DLGAP2: variants seen among roughly 807,000 people sequenced by gnomAD.
The protein encoded by DLGAP2 is disks large-associated protein 2.
A neutral mutation model predicts 100.3 loss-of-function variants in DLGAP2; 26 were observed. That is an observed-to-expected ratio of 0.26 (90% CI 0.19 to 0.36). DLGAP2 has a LOEUF of 0.36. Ranked by LOEUF, DLGAP2 falls within the 10% of genes least tolerant of loss-of-function variation. The probability of loss-of-function intolerance (pLI) is 1.00; values close to 1 mark genes in which losing one functional copy is unlikely to be tolerated. For missense variants in DLGAP2, 1,858 were observed against 1,453.2 expected (o/e 1.28, Z -4.53); for synonymous variants, 886 against 630.1 (o/e 1.41, Z -6.08).
chr8:1,606,973 C>T (rs554228314), intron 6 of DLGAP2, among the ~76,000 whole-genome samples: 2 of 152,334 alleles, frequency 1.3e-5, no homozygotes, highest in East Asian at 1.9e-4. Context: ...GCGTGAGCCA[C>T]AGCACCCGGC....
intron 2 of DLGAP2, among the ~76,000 whole-genome samples, chr8:1,128,042 C>T (rs998884867): frequency 6.6e-6 from 1 of 152,230 alleles, no homozygotes; most frequent in Non-Finnish European, 1.5e-5. Flanking sequence ...AGAGCAGCCC[C>T]ACATTTCAAT....
intron 3 of DLGAP2, among the ~76,000 whole-genome samples, chr8:1,311,700 T>G (rs1800617753): frequency 8.0e-6 from 1 of 125,564 alleles, no homozygotes; most frequent in Non-Finnish European, 1.7e-5. Flanking sequence ...TAACTGTTCA[T>G]GATAAAAAAA....
chr8:874,852 T>G (rs1797660522), intron 1 of DLGAP2, among the ~76,000 whole-genome samples: 1 of 152,220 alleles, frequency 6.6e-6, no homozygotes, highest in Admixed American at 6.5e-5. Flanking sequence ...TCTTCATTTT[T>G]GTCAGTTTTT....
chr8:1,368,776 C>G (rs1340407264), intron 3 of DLGAP2: 1 of 152,170 alleles, frequency 6.6e-6, no homozygotes, highest in African/African-American at 2.4e-5. Flanking sequence ...CCGCAGCAGC[C>G]CGTGCTGGCT....
chr8:1,417,200 A>T (rs907461330), intron 3 of DLGAP2, among the ~76,000 whole-genome samples: 2 of 79,766 alleles, frequency 2.5e-5, no homozygotes, highest in Admixed American at 2.2e-4. Flanking sequence ...GGCGGGGGAG[A>T]CTCTGAGTGA....
intron 2 of DLGAP2, among the ~76,000 whole-genome samples, chr8:943,976 C>T (rs923329966): frequency 6.6e-6 from 1 of 152,200 alleles, no homozygotes; most frequent in Non-Finnish European, 1.5e-5. Flanking sequence ...TCAAGATCTC[C>T]CTGCAGATGA....
chr8:1,215,097 C>T (rs1293214960), intron 2 of DLGAP2, among the ~76,000 whole-genome samples: 1 of 152,130 alleles, frequency 6.6e-6, no homozygotes, highest in Non-Finnish European at 1.5e-5. Flanking sequence ...TAAAGGTCGT[C>T]AAGTGAGGAA....
At chr8:1,605,940 T>C (rs549412218) in intron 6 of DLGAP2, among the ~76,000 whole-genome samples, 1 of 152,370 alleles carries the variant, frequency 6.6e-6, no homozygotes, top group East Asian at 1.9e-4. Context: ...GTAGAACGTG[T>C]CACCTCTGAG....
intron 14 of DLGAP2, among the ~76,000 whole-genome samples, chr8:1,698,924 C>G (rs558731579): frequency 2.0e-5 from 3 of 151,712 alleles, no homozygotes; most frequent in Non-Finnish European, 4.4e-5. Context: ...ATGCATGGGA[C>G]TAGGCAGGTC....
At chr8:1,413,701 C>G (rs981699038) in intron 3 of DLGAP2, among the ~76,000 whole-genome samples, 1 of 152,210 alleles carries the variant, frequency 6.6e-6, no homozygotes, top group South Asian at 2.1e-4. Context: ...TGGTCTTGAA[C>G]TCAAAGGGCA....
At chr8:1,602,031 T>G (rs977468446) in intron 6 of DLGAP2, among the ~76,000 whole-genome samples, 1 of 151,894 alleles carries the variant, frequency 6.6e-6, no homozygotes, top group Non-Finnish European at 1.5e-5. Context: ...CCTCACGAGC[T>G]GTCAGTCCTG....
chr8:927,174 G>C, intron 2 of DLGAP2: 7 of 985,446 alleles, frequency 7.1e-6, no homozygotes, highest in Non-Finnish European at 8.4e-6. Context: ...GTCAGATGGG[G>C]AGTGTTCAGG....
chr8:802,371 C>G (rs1028524604), intron 1 of DLGAP2, among the ~76,000 whole-genome samples: 1 of 151,768 alleles, frequency 6.6e-6, no homozygotes, highest in Non-Finnish European at 1.5e-5. Flanking sequence ...CACAGCTTCC[C>G]TCATCCAGCC....
chr8:1,619,499 G>T (rs916290889), intron 6 of DLGAP2, among the ~76,000 whole-genome samples: 14 of 152,038 alleles, frequency 9.2e-5, no homozygotes, highest in African/African-American at 3.1e-4. Context: ...AAATTTTTTG[G>T]TAAGTTTACC....
chr8:1,471,594 C>T (rs528004996), intron 3 of DLGAP2, among the ~76,000 whole-genome samples: 14 of 151,414 alleles, frequency 9.2e-5, no homozygotes, highest in African/African-American at 3.4e-4. Flanking sequence ...CTCCTAACCT[C>T]CTCTCACCTC....
At chr8:1,660,757 C>A (rs907673562) in intron 8 of DLGAP2, among the ~76,000 whole-genome samples, 1 of 152,212 alleles carries the variant, frequency 6.6e-6, no homozygotes, top group African/African-American at 2.4e-5. Context: ...TTCCCTCCTG[C>A]AGAGATGGCG....
At chr8:1,564,665 A>C (rs1244824354) in intron 5 of DLGAP2, among the ~76,000 whole-genome samples, 1 of 152,220 alleles carries the variant, frequency 6.6e-6, no homozygotes, top group Admixed American at 6.5e-5. Flanking sequence ...CCATGCGGAT[A>C]TATAATACGC....
intron 3 of DLGAP2, among the ~76,000 whole-genome samples, chr8:1,438,497 C>G (rs962282338): frequency 6.6e-6 from 1 of 152,090 alleles, no homozygotes; most frequent in Non-Finnish European, 1.5e-5. Context: ...AAAAAACCAC[C>G]ATACGTATGT....
At chr8:1,274,328 T>C (rs1223389272) in intron 3 of DLGAP2, among the ~76,000 whole-genome samples, 1 of 152,142 alleles carries the variant, frequency 6.6e-6, no homozygotes, top group Non-Finnish European at 1.5e-5. Context: ...CAGACTCTCA[T>C]GTGAACGTGA....
Sources: gnomAD v4.1 joint callset for allele counts (sites outside exome capture counted in the v4.1 genomes callset) on GRCh38, gnomAD v4.1.1 for gene constraint, MANE v1.5 for transcripts, NCBI Gene and HGNC (gene_info 2026-07-23, HGNC 2026-07-21) for gene names.